Variants in SPMAP2 observed in about 807,000 individuals in gnomAD.
SPMAP2 encodes the protein Theg homolog.
At chr19:373,812 C>T in the SPMAP2 span, 1 of 928,214 alleles carries the variant, frequency 1.1e-6, no homozygotes, top group Non-Finnish European at 1.7e-6. Context: ...GTGGAGAGCC[C>T]CACATCTGAG....
chr19:372,629 A>G, the SPMAP2 span: 1 of 1,613,896 alleles, frequency 6.2e-7, no homozygotes, highest in Non-Finnish European at 8.5e-7. Context: ...TCCTTCCCCC[A>G]CCTGTTGTTG....
the SPMAP2 span, chr19:373,960 G>A: frequency 6.2e-7 from 1 of 1,613,636 alleles, no homozygotes; most frequent in Non-Finnish European, 8.5e-7. Context: ...AGAAGTGCAA[G>A]CTCATCTTAC....
At chr19:365,255 C>T in the SPMAP2 span, among the ~76,000 whole-genome samples, 1 of 152,248 alleles carries the variant, frequency 6.6e-6, no homozygotes, top group Non-Finnish European at 1.5e-5. Context: ...CTGCACCTTC[C>T]GGGTGGATGC....
the SPMAP2 span, chr19:362,564 T>C: frequency 1.7e-6 from 1 of 581,520 alleles, no homozygotes; most frequent in African/African-American, 1.9e-5. Context: ...GGTCAGGAGT[T>C]AGAGATCAGC....
chr19:366,408 G>A, the SPMAP2 span, among the ~76,000 whole-genome samples: 3,661 of 152,214 alleles, frequency 0.024, 133 homozygotes, highest in African/African-American at 0.083. Context: ...TGTGTGGCGA[G>A]CACAAGTGTG....
chr19:375,873 T>C, the SPMAP2 span: 1 of 1,580,130 alleles, frequency 6.3e-7, no homozygotes, highest in East Asian at 2.3e-5. Flanking sequence ...CACAGAGCTC[T>C]GGAGGCCACG....
At chr19:375,295 CT>C in the SPMAP2 span, among the ~76,000 whole-genome samples, 12,284 of 151,486 alleles carry the variant, frequency 0.081, 1,237 homozygotes, top group African/African-American at 0.23. Context: ...AGTTGGGAGG[CT>C]TTTTTTTTCC....
At chr19:375,438 G>A in the SPMAP2 span, among the ~76,000 whole-genome samples, 11 of 152,190 alleles carry the variant, frequency 7.2e-5, no homozygotes, top group South Asian at 2.1e-4. Context: ...ATAGGGGAGC[G>A]TCTGCTGGTG....
chr19:368,639 G>A, the SPMAP2 span, among the ~76,000 whole-genome samples: 5 of 152,198 alleles, frequency 3.3e-5, no homozygotes, highest in African/African-American at 1.2e-4. This position sits in a 1 kb window ranked among gnomAD's most constrained non-coding sequence, Gnocchi z 4.1. Context: ...TAGAGCCTGC[G>A]TGGAGGCAGA....
the SPMAP2 span, chr19:367,029 A>C: frequency 1.2e-6 from 2 of 1,610,212 alleles, no homozygotes; most frequent in African/African-American, 1.3e-5. Context: ...TCTGAACAGG[A>C]CATCAGGAAA....
the SPMAP2 span, among the ~76,000 whole-genome samples, chr19:370,353 T>G: frequency 6.6e-6 from 1 of 151,952 alleles, no homozygotes; most frequent in East Asian, 1.9e-4. Context: ...TTTTGTTTTT[T>G]TTTTTTGAGG....
chr19:370,825 G>A, the SPMAP2 span, among the ~76,000 whole-genome samples: 13 of 151,066 alleles, frequency 8.6e-5, no homozygotes, highest in African/African-American at 1.7e-4. Flanking sequence ...GGTCAAGCCC[G>A]CAGGCTGCGG....
chr19:372,730 ACCCCAGTGTCAACACCCT>A, the SPMAP2 span: 1 of 1,611,742 alleles, frequency 6.2e-7, no homozygotes, highest in Non-Finnish European at 8.5e-7. Flanking sequence ...GAGTCAGTGA[ACCCCAGTGTCAACACCCT>A]GCAGTTCCCA....
the SPMAP2 span, chr19:374,599 C>T: frequency 1.3e-6 from 1 of 777,014 alleles, no homozygotes; most frequent in Non-Finnish European, 2.0e-6. Context: ...AGGCCTGGAC[C>T]AACCGCAGCT....
chr19:371,372 GT>G, the SPMAP2 span: 108 of 464,536 alleles, frequency 2.3e-4, no homozygotes, highest in Admixed American at 1.0e-3. Context: ...GGGTGGGGGT[GT>G]GTGTGTGTGT....
the SPMAP2 span, chr19:374,477 G>T: frequency 6.2e-7 from 1 of 1,610,360 alleles, no homozygotes; most frequent in Non-Finnish European, 8.5e-7. Context: ...GATGCGTTTG[G>T]GAGCCCAGAG....
chr19:371,193 C>T, the SPMAP2 span: 170 of 1,422,136 alleles, frequency 1.2e-4, no homozygotes, highest in African/African-American at 1.5e-3. Flanking sequence ...GCGGGGGGCA[C>T]GGGGCACCCA....
At chr19:362,560 G>C in the SPMAP2 span, 2 of 599,422 alleles carry the variant, frequency 3.3e-6, no homozygotes, top group African/African-American at 1.9e-5. Flanking sequence ...CTGAGGTCAG[G>C]AGTTAGAGAT....
At chr19:367,742 G>A in the SPMAP2 span, among the ~76,000 whole-genome samples, 4 of 152,170 alleles carry the variant, frequency 2.6e-5, no homozygotes, top group Admixed American at 2.6e-4. Flanking sequence ...AGTGGGTGCA[G>A]GGATGTTCCC....
Sources: gnomAD v4.1 joint callset for allele counts (sites outside exome capture counted in the v4.1 genomes callset) on GRCh38, gnomAD v4.1.1 for gene constraint, Gnocchi (gnomAD v3.1) non-coding constraint, MANE v1.5 for transcripts, NCBI Gene and HGNC (gene_info 2026-07-23, HGNC 2026-07-21) for gene names.